PCDH11X: variants seen among roughly 807,000 people sequenced by gnomAD.
PCDH11X encodes protocadherin-11 X-linked.
In PCDH11X, 18 loss-of-function variants were observed where a neutral mutation model predicts 53.3. That is an observed-to-expected ratio of 0.34 (90% CI 0.23 to 0.50). PCDH11X has a LOEUF of 0.50. Among genes scored for constraint, PCDH11X ranks in the 20% least tolerant of loss-of-function variants. The pLI is 0.98. For missense variants in PCDH11X, 570 were observed against 1,032.4 expected (o/e 0.55, Z 6.14); for synonymous variants, 279 against 393.3 (o/e 0.71, Z 3.44).
At chrX:92,498,213 T>C (rs2073894045) in intron 10 of PCDH11X, among the ~76,000 whole-genome samples, 1 of 111,310 alleles carries the variant, frequency 9.0e-6, no homozygotes, top group Admixed American at 9.6e-5. Context: ...TTTAAGGTGA[T>C]TTTATGAATG....
chrX:91,853,394 T>C (rs1475941786), intron 5 of PCDH11X, among the ~76,000 whole-genome samples: 1 of 108,732 alleles, frequency 9.2e-6, no homozygotes, highest in Non-Finnish European at 1.9e-5. Context: ...TAATCAAATA[T>C]GAATGTTTTG....
rs750265581 is a variant in PCDH11X at position 92,500,094 on chromosome X, C to T, written c.3367+31772C>T. Among the ~76,000 whole-genome samples, 4 of 111,053 alleles carry T rather than the reference C, an allele frequency of 3.6e-5. No individual in the cohort carries two copies. In the South Asian group the frequency reaches 1.1e-3, roughly 31 times the overall value. ...TATACAACTTTTCTTAAAATTGATA[C>T]TAAGCTAAGACATTCTTTGACACAC... On this transcript the variant is annotated intron_variant, in intron 10 of 10. Coordinates refer to ENST00000682573, the MANE Select transcript of PCDH11X (RefSeq NM_032968.5).
At chrX:92,183,316 G>A (rs1039844309) in intron 6 of PCDH11X, among the ~76,000 whole-genome samples, 2 of 99,235 alleles carry the variant, frequency 2.0e-5, no homozygotes, top group Admixed American at 2.3e-4. Flanking sequence ...GAGTGCAATG[G>A]CACAATCTTG....
At chrX:92,480,558 G>A (rs2073481237) in intron 10 of PCDH11X, among the ~76,000 whole-genome samples, 1 of 109,821 alleles carries the variant, frequency 9.1e-6, no homozygotes, top group Non-Finnish European at 1.9e-5. Context: ...TTGAGGGTTT[G>A]GTTGTGGTAC....
intron 6 of PCDH11X, among the ~76,000 whole-genome samples, chrX:92,075,862 G>A (rs2063765198): frequency 9.0e-6 from 1 of 110,710 alleles, no homozygotes; most frequent in African/African-American, 3.3e-5. Context: ...ATTTCCCCAA[G>A]ACATGCATTT....
intron 9 of PCDH11X, among the ~76,000 whole-genome samples, chrX:92,397,782 C>T (rs1416563518): frequency 9.1e-6 from 1 of 110,452 alleles, no homozygotes; most frequent in Non-Finnish European, 1.9e-5. Flanking sequence ...TTTGATTCAG[C>T]TGTTTGTGTT....
At chrX:92,535,621 T>C (rs1353143844) in intron 10 of PCDH11X, among the ~76,000 whole-genome samples, 1 of 111,478 alleles carries the variant, frequency 9.0e-6, no homozygotes, top group African/African-American at 3.3e-5. Flanking sequence ...CAAACCCCTA[T>C]GACACAAACA....
intron 9 of PCDH11X, among the ~76,000 whole-genome samples, chrX:92,425,193 G>C (rs774660630): frequency 5.4e-5 from 6 of 111,048 alleles, no homozygotes; most frequent in African/African-American, 2.0e-4. Context: ...GTTTTAAGAT[G>C]GACAACTTGA....
chrX:91,902,681 C>T (rs758428242), intron 6 of PCDH11X, among the ~76,000 whole-genome samples: 1 of 109,336 alleles, frequency 9.1e-6, no homozygotes, highest in South Asian at 4.0e-4. Context: ...TTCACTGGTC[C>T]ATGGAACTTC....
intron 10 of PCDH11X, among the ~76,000 whole-genome samples, chrX:92,516,136 A>G (rs1049024508): frequency 1.3e-4 from 14 of 111,495 alleles, no homozygotes; most frequent in Non-Finnish European, 2.4e-4. Context: ...CTGTGTGAAC[A>G]TAATTCTGCC....
chrX:91,973,854 A>T (rs751212151), intron 6 of PCDH11X, among the ~76,000 whole-genome samples: 1 of 110,840 alleles, frequency 9.0e-6, no homozygotes, highest in East Asian at 2.9e-4. Flanking sequence ...ACCTCAGGTG[A>T]TCCACCCGCC....
intron 10 of PCDH11X, among the ~76,000 whole-genome samples, chrX:92,479,890 C>T (rs1300020571): frequency 9.0e-6 from 1 of 110,594 alleles, no homozygotes; most frequent in Non-Finnish European, 1.9e-5. Flanking sequence ...TGATTCTTGG[C>T]TTGTATAGCT....
intron 8 of PCDH11X, among the ~76,000 whole-genome samples, chrX:92,263,606 A>G (rs1184544476): frequency 3.6e-5 from 4 of 111,806 alleles, no homozygotes; most frequent in Admixed American, 9.5e-5. Context: ...TCTCAGAGAA[A>G]CTGGGTTTTG....
chrX:92,495,113 A>G (rs1396533862), intron 10 of PCDH11X, among the ~76,000 whole-genome samples: 1 of 108,220 alleles, frequency 9.2e-6, no homozygotes, highest in Non-Finnish European at 1.9e-5. Flanking sequence ...GAATATTTAC[A>G]TAAAATATTT....
chrX:92,345,645 A>G (rs1381822153), intron 8 of PCDH11X, among the ~76,000 whole-genome samples: 2 of 111,605 alleles, frequency 1.8e-5, no homozygotes, highest in Admixed American at 9.6e-5. Context: ...GTCAGAAGAA[A>G]TCTCAAAAAA....
chrX:91,832,647 A>C (rs1937153970), intron 4 of PCDH11X, among the ~76,000 whole-genome samples: 1 of 109,315 alleles, frequency 9.1e-6, no homozygotes, highest in Non-Finnish European at 1.9e-5. Context: ...GTATAATTAA[A>C]AAAATTAAAA....
intron 8 of PCDH11X, among the ~76,000 whole-genome samples, chrX:92,283,785 A>C (rs994670020): frequency 9.0e-6 from 1 of 111,642 alleles, no homozygotes; most frequent in African/African-American, 3.2e-5. Context: ...AATTATTTTT[A>C]CTTGAGGTGT....
chrX:92,108,037 T>C (rs2064424018), intron 6 of PCDH11X, among the ~76,000 whole-genome samples: 1 of 112,429 alleles, frequency 8.9e-6, no homozygotes, highest in Non-Finnish European at 1.9e-5. Flanking sequence ...CAGAGCTCTT[T>C]GACAAGCTGA....
intron 6 of PCDH11X, among the ~76,000 whole-genome samples, chrX:91,981,021 A>AATAT (rs1170462143): frequency 6.2e-5 from 6 of 96,200 alleles, no homozygotes; most frequent in African/African-American, 2.3e-4. Flanking sequence ...ATATACACTG[A>AATAT]ATATATATAT....
Sources: gnomAD v4.1 joint callset for allele counts (sites outside exome capture counted in the v4.1 genomes callset) on GRCh38, gnomAD v4.1.1 for gene constraint, MANE v1.5 for transcripts, NCBI Gene and HGNC (gene_info 2026-07-23, HGNC 2026-07-21) for gene names.